The following FOXN3 variants were observed in gnomAD, a reference collection of about 807,000 sequenced individuals.
FOXN3 encodes forkhead box protein N3.
A neutral mutation model predicts 38.4 loss-of-function variants in FOXN3; 7 were observed. That is an observed-to-expected ratio of 0.18 (90% CI 0.10 to 0.34). FOXN3 has a LOEUF of 0.34. Ranked by LOEUF, FOXN3 falls within the 10% of genes least tolerant of loss-of-function variation. FOXN3 has a pLI of 1.00. For missense variants in FOXN3, 456 were observed against 613.4 expected (o/e 0.74, Z 2.71); for synonymous variants, 230 against 242.2 (o/e 0.95, Z 0.47).
intron 4 of FOXN3, among the ~76,000 whole-genome samples, chr14:89,228,899 T>C (rs1029099471): frequency 2.6e-5 from 4 of 152,348 alleles, no homozygotes; most frequent in African/African-American, 7.2e-5. Flanking sequence ...GGAAGTTACC[T>C]TATTTCTCTG....
chr14:89,373,881 A>C (rs770842027), intron 2 of FOXN3, among the ~76,000 whole-genome samples: 1 of 152,206 alleles, frequency 6.6e-6, no homozygotes, highest in Non-Finnish European at 1.5e-5. Flanking sequence ...ATACAACTAC[A>C]TACCACTGGA....
At chr14:89,324,858 T>C (rs1393741249) in intron 3 of FOXN3, among the ~76,000 whole-genome samples, 1 of 152,090 alleles carries the variant, frequency 6.6e-6, no homozygotes, top group Non-Finnish European at 1.5e-5. Context: ...GGAGATTGTA[T>C]TAAAAAGCAG....
In FOXN3 at chr14:89,363,983, TA is replaced by T. The variant is rs1566969020; in HGVS notation, c.544-13176del. ...ATATATATATATATATATATATATATATATAATATATATATATATTCTTCCA... is the reference window on the plus strand; with the variant it reads ...ATATATATATATATATATATATATATTATAATATATATATATATTCTTCCA... On this transcript the variant is annotated intron_variant, in intron 2 of 5. Coordinates refer to ENST00000557258, the MANE Select transcript of FOXN3 (RefSeq NM_005197.4). 8.4e-4 allele frequency among the ~76,000 whole-genome samples: 78 copies of T among 93,296 alleles called. 1 individual carries two copies. Among genetic ancestry groups the T allele is most frequent in the African/African-American group, 3.1e-3 (61 of 19,660 alleles). The allele number at this position is 93,296 out of a possible 152,430, so 61.2% of individuals were successfully genotyped here.
rs1435960338 is a variant in FOXN3, at chr14:89,412,747, A to C, written c.-14-257T>G. On this transcript the variant is annotated intron_variant, in intron 1 of 5. Coordinates refer to ENST00000557258, the MANE Select transcript of FOXN3 (RefSeq NM_005197.4). The surrounding 1 kb of genome is among the most constrained non-coding windows in gnomAD (Gnocchi z 4.7). ...CCCCTTAAATAAAATAAGACCAGTAACACCGGCCAGGCACGGTGGCTCACG... is the reference window on the plus strand; with the variant it reads ...CCCCTTAAATAAAATAAGACCAGTACCACCGGCCAGGCACGGTGGCTCACG... Among the ~76,000 whole-genome samples, 1 of 152,164 alleles carries C rather than the reference A, an allele frequency of 6.6e-6. No individual in the cohort carries two copies. The highest frequency in any genetic ancestry group is 6.5e-5 in the Admixed American group (1 of 15,282).
intron 3 of FOXN3, among the ~76,000 whole-genome samples, chr14:89,310,720 GC>G (rs1310473613): frequency 2.6e-5 from 4 of 152,022 alleles, no homozygotes; most frequent in African/African-American, 9.7e-5. Flanking sequence ...CTATAAAAGA[GC>G]CTTATTACCT....
intron 1 of FOXN3, among the ~76,000 whole-genome samples, chr14:89,601,392 CAG>C (rs1242752054): frequency 6.6e-6 from 1 of 152,176 alleles, no homozygotes; most frequent in Non-Finnish European, 1.5e-5. Flanking sequence ...ACTAAAACGT[CAG>C]TGTGTTTTCC....
intron 1 of FOXN3, among the ~76,000 whole-genome samples, chr14:89,433,959 T>C (rs2140115924): frequency 6.6e-6 from 1 of 150,568 alleles, no homozygotes; most frequent in South Asian, 2.1e-4. Flanking sequence ...AGTTTCACTC[T>C]TGTCGCCCAG....
intron 4 of FOXN3, chr14:89,190,564 C>G: frequency 1.4e-6 from 1 of 738,388 alleles, no homozygotes; most frequent in Non-Finnish European, 2.2e-6. Context: ...AAATATCCAG[C>G]AACTGGATGA....
intron 1 of FOXN3, among the ~76,000 whole-genome samples, chr14:89,532,566 A>G (rs1894591354): frequency 6.6e-6 from 1 of 152,270 alleles, no homozygotes; most frequent in African/African-American, 2.4e-5. Context: ...ATAATGTGTG[A>G]GAACATTACA....
rs551581677 is a variant in FOXN3, at chr14:89,280,873, G to GACACC, written c.745+72_745+76dup. The GACACC allele has an allele frequency of 1.4e-4, 184 of 1,299,850 alleles. No homozygotes were observed. In the African/African-American group the frequency reaches 2.5e-3, roughly 17 times the overall value. The allele number at this position is 1,299,850 out of a possible 1,614,324, so 80.5% of individuals were successfully genotyped here. ...TAAACGGGACAGAACTGTCCTATTT[G>GACACC]ACACCAAGCACAAAGGAGTGATGAA... On this transcript the variant is annotated intron_variant, in intron 4 of 5. Transcript: ENST00000557258.
At chr14:89,496,748 T>G (rs1893691040) in intron 1 of FOXN3, among the ~76,000 whole-genome samples, 1 of 152,176 alleles carries the variant, frequency 6.6e-6, no homozygotes, top group African/African-American at 2.4e-5. Flanking sequence ...CATCCATCTC[T>G]ACAACTCTGT....
At chr14:89,212,576 C>T (rs918532759) in intron 4 of FOXN3, among the ~76,000 whole-genome samples, 2 of 152,186 alleles carry the variant, frequency 1.3e-5, no homozygotes, top group African/African-American at 4.8e-5. Context: ...TGTTCCTGAC[C>T]ACACAGATCC....
At position 89,548,451 on chromosome 14, in the gene FOXN3, G is replaced by A. The variant is rs1411463794; in HGVS notation, c.-15+70577C>T. 2.6e-5 allele frequency among the ~76,000 whole-genome samples: 4 copies of A among 152,170 alleles called. No homozygotes were observed. ...CAGAGACGGAAAAATCAAAGCGGTA[G>A]ATAATTTAAAAATTATTCATATTTG... On this transcript the variant is annotated intron_variant, in intron 1 of 6. Coordinates refer to the FOXN3 transcript ENST00000345097. The surrounding 1 kb of genome is among the most constrained non-coding windows in gnomAD (Gnocchi z 4.8).
chr14:89,216,429 C>T (rs1884284478), intron 4 of FOXN3, among the ~76,000 whole-genome samples: 1 of 152,144 alleles, frequency 6.6e-6, no homozygotes, highest in Non-Finnish European at 1.5e-5. Context: ...CAGAATGCAT[C>T]TAAGCCACTC....
intron 4 of FOXN3, among the ~76,000 whole-genome samples, chr14:89,239,677 GC>G: frequency 6.6e-6 from 1 of 152,286 alleles, no homozygotes; most frequent in South Asian, 2.1e-4. Context: ...TTCAGTCTTA[GC>G]CCATGCCTCT....
At chr14:89,504,743 ACTT>A (rs1230025600) in intron 1 of FOXN3, among the ~76,000 whole-genome samples, 2 of 152,172 alleles carry the variant, frequency 1.3e-5, no homozygotes, top group African/African-American at 4.8e-5. Flanking sequence ...CTTGGTATAG[ACTT>A]CTTGTAAGAT....
At chr14:89,288,758 ATATATATATATG>A (rs1211706918) in intron 3 of FOXN3, among the ~76,000 whole-genome samples, 31 of 83,662 alleles carry the variant, frequency 3.7e-4, no homozygotes, top group African/African-American at 1.2e-3. Context: ...ATATATATAT[ATATATATATATG>A]CTTGCACTGG....
intron 3 of FOXN3, among the ~76,000 whole-genome samples, chr14:89,308,689 A>C (rs1596171703): frequency 6.6e-6 from 1 of 152,254 alleles, no homozygotes; most frequent in Non-Finnish European, 1.5e-5. Flanking sequence ...TGGCTCAAAA[A>C]GAGAAGCTGA....
intron 4 of FOXN3, among the ~76,000 whole-genome samples, chr14:89,242,943 T>C (rs999535917): frequency 2.0e-5 from 3 of 152,232 alleles, no homozygotes; most frequent in Admixed American, 1.3e-4. Flanking sequence ...GGGGTGCTTA[T>C]TTTTTCTTAA....
Sources: allele counts gnomAD v4.1 joint callset (sites outside exome capture counted in the v4.1 genomes callset), GRCh38; gene constraint gnomAD v4.1.1; non-coding constraint Gnocchi (gnomAD v3.1); transcripts MANE v1.5; gene names NCBI Gene and HGNC (gene_info 2026-07-23, HGNC 2026-07-21).